The following ESRRG variants were observed in gnomAD, a reference collection of about 807,000 sequenced individuals.
ESRRG encodes estrogen related receptor gamma, also known as estrogen-related receptor gamma.
ESRRG carries 13 observed loss-of-function variants against 44.0 expected under a neutral mutation model. The ratio of observed to expected loss-of-function variants is 0.30; its 90% CI spans 0.19 to 0.47. ESRRG has a LOEUF of 0.47. Among genes scored for constraint, ESRRG ranks in the 20% least tolerant of loss-of-function variants. The pLI is 1.00. For synonymous variants in ESRRG, 215 were observed against 214.6 expected, an observed-to-expected ratio of 1.00 and a Z score of -0.02; for missense variants, 395 against 580.6, an observed-to-expected ratio of 0.68 and a Z score of 3.29.
chr1:216,642,287 A>C (rs997402672), intron 3 of ESRRG, among the ~76,000 whole-genome samples: 5 of 152,088 alleles, frequency 3.3e-5, no homozygotes, highest in Non-Finnish European at 7.4e-5. Context: ...CAACAAAAGC[A>C]CACAGCACAT....
At chr1:216,669,550 T>C (rs150387819) in intron 2 of ESRRG, among the ~76,000 whole-genome samples, 13 of 152,318 alleles carry the variant, frequency 8.5e-5, no homozygotes, top group African/African-American at 3.1e-4. Context: ...TGGCATCAAA[T>C]GCAAGAAGTG....
intron 2 of ESRRG, among the ~76,000 whole-genome samples, chr1:216,902,457 C>T (rs1332551098): frequency 6.7e-6 from 1 of 150,198 alleles, no homozygotes; most frequent in Non-Finnish European, 1.5e-5. Flanking sequence ...CACTGCACTC[C>T]AGCCTAGGCA....
chr1:216,552,058 T>C (rs1043173351), intron 5 of ESRRG, among the ~76,000 whole-genome samples: 28 of 152,138 alleles, frequency 1.8e-4, no homozygotes, highest in Non-Finnish European at 3.1e-4. Flanking sequence ...ATTCACAGAG[T>C]ATACCCAGGC....
chr1:216,734,619 G>A (rs998326223), intron 2 of ESRRG, among the ~76,000 whole-genome samples: 1 of 152,156 alleles, frequency 6.6e-6, no homozygotes, highest in Non-Finnish European at 1.5e-5. Context: ...TTCTTGTACA[G>A]TCTGTAGTGA....
intron 5 of ESRRG, among the ~76,000 whole-genome samples, chr1:216,555,503 T>G (rs1306986533): frequency 6.6e-6 from 1 of 151,286 alleles, no homozygotes; most frequent in Non-Finnish European, 1.5e-5. Flanking sequence ...TCAGAAATTC[T>G]AAGTTCAGCT....
intron 1 of ESRRG, among the ~76,000 whole-genome samples, chr1:216,718,072 A>G (rs2152036488): frequency 6.6e-6 from 1 of 152,018 alleles, no homozygotes; most frequent in East Asian, 1.9e-4. Flanking sequence ...TTCTAAAATC[A>G]GAAACAAATT....
At chr1:216,577,926 A>G (rs1461635399) in intron 3 of ESRRG, among the ~76,000 whole-genome samples, 1 of 152,046 alleles carries the variant, frequency 6.6e-6, no homozygotes, top group African/African-American at 2.4e-5. Context: ...AATAGGGGAA[A>G]ACTTTATCTC....
chr1:216,809,063 C>T (rs1001558593), intron 2 of ESRRG, among the ~76,000 whole-genome samples: 8 of 152,174 alleles, frequency 5.3e-5, no homozygotes, highest in East Asian at 1.9e-4. Flanking sequence ...CAGGGTGCTA[C>T]GCTAAATTTT....
chr1:216,743,614 G>A (rs1273087426), intron 2 of ESRRG, among the ~76,000 whole-genome samples: 1 of 152,112 alleles, frequency 6.6e-6, no homozygotes, highest in Non-Finnish European at 1.5e-5. Flanking sequence ...CAAGCTGTTA[G>A]CCACTAAGTG....
chr1:217,096,112 T>G (rs2092419560), intron 1 of ESRRG, among the ~76,000 whole-genome samples: 2 of 152,188 alleles, frequency 1.3e-5, no homozygotes, highest in African/African-American at 4.8e-5. Flanking sequence ...ATAGTGTTGG[T>G]GACTTTAAAT....
intron 2 of ESRRG, among the ~76,000 whole-genome samples, chr1:216,911,989 T>A (rs1213462903): frequency 6.6e-6 from 1 of 150,922 alleles, no homozygotes; most frequent in Non-Finnish European, 1.5e-5. Flanking sequence ...GTGGGAGGAT[T>A]GCTGGAGGCT....
intron 1 of ESRRG, among the ~76,000 whole-genome samples, chr1:216,705,974 G>A (rs1443485541): frequency 6.6e-6 from 1 of 151,968 alleles, no homozygotes; most frequent in Non-Finnish European, 1.5e-5. Flanking sequence ...TTTGGGGGTG[G>A]GGTGGAAGTG....
rs201761281 is a variant in ESRRG at position 216,732,851 on chromosome 1, G to T, written c.-13-55360C>A. Among the ~76,000 whole-genome samples, 53 of 147,198 alleles carry T rather than the reference G, an allele frequency of 3.6e-4. No individual in the cohort carries two copies. In the South Asian group the frequency reaches 4.7e-3, roughly 13 times the overall value. On this transcript the variant is annotated intron_variant, in intron 2 of 7. Coordinates refer to the ESRRG transcript ENST00000359162. ...CATCTCTAAAATTAAAAAAAAAAAG[G>T]GGGGGGAGGAGGGGGACTCTTGTGG...
intron 2 of ESRRG, among the ~76,000 whole-genome samples, chr1:216,820,618 A>G (rs1401370030): frequency 1.3e-5 from 2 of 152,174 alleles, no homozygotes; most frequent in Non-Finnish European, 2.9e-5. Flanking sequence ...AGATGTGTCA[A>G]CCCACAGCAG....
At chr1:216,538,226 G>A (rs1224570163) in intron 5 of ESRRG, among the ~76,000 whole-genome samples, 1 of 148,170 alleles carries the variant, frequency 6.7e-6, no homozygotes, top group Non-Finnish European at 1.5e-5. Flanking sequence ...CTAGTGCTTG[G>A]CAAATACTTG....
At chr1:216,914,227 C>A (rs942663643) in intron 2 of ESRRG, among the ~76,000 whole-genome samples, 1 of 151,946 alleles carries the variant, frequency 6.6e-6, no homozygotes, top group Non-Finnish European at 1.5e-5. Context: ...AGCTCTGACA[C>A]GGGGGATTAA....
chr1:217,035,680 G>GAA (rs768545009), intron 1 of ESRRG, among the ~76,000 whole-genome samples: 77 of 138,824 alleles, frequency 5.5e-4, no homozygotes, highest in South Asian at 3.9e-3. Flanking sequence ...GGGATTCCGT[G>GAA]AAAAAAAAAA....
intron 3 of ESRRG, among the ~76,000 whole-genome samples, chr1:216,643,028 G>A (rs1409538959): frequency 6.6e-6 from 1 of 152,158 alleles, no homozygotes; most frequent in Non-Finnish European, 1.5e-5. Context: ...AATTAGACAA[G>A]TAAGTTGCTC....
At chr1:216,658,787 C>A (rs777340115) in intron 2 of ESRRG, among the ~76,000 whole-genome samples, 62 of 151,052 alleles carry the variant, frequency 4.1e-4, no homozygotes, top group Non-Finnish European at 7.5e-4. Context: ...GAGCTGAAAT[C>A]GTGCCACTGC....
Sources: gnomAD v4.1 joint callset for allele counts (sites outside exome capture counted in the v4.1 genomes callset) on GRCh38, gnomAD v4.1.1 for gene constraint, MANE v1.5 for transcripts, NCBI Gene and HGNC (gene_info 2026-07-23, HGNC 2026-07-21) for gene names.